Variants in GABBR1 observed in about 807,000 individuals in gnomAD.
GABBR1 encodes the protein gamma-aminobutyric acid type B receptor subunit 1, also known as GABA-B receptor, R1 subunit.
In GABBR1, 35 loss-of-function variants were observed where a neutral mutation model predicts 117.7. That is an observed-to-expected ratio of 0.30 (90% CI 0.23 to 0.39). The LOEUF is 0.39. Among genes scored for constraint, GABBR1 ranks in the 10% least tolerant of loss-of-function variants. The pLI is 1.00. For synonymous variants in GABBR1, 442 were observed against 486.6 expected, an observed-to-expected ratio of 0.91 and a Z score of 1.21; for missense variants, 709 against 1,241.8, an observed-to-expected ratio of 0.57 and a Z score of 6.45.
Position 29,611,319 on chromosome 6 carries a change from A to G in GABBR1, c.1631-318T>C, listed in dbSNP as rs1013753707. Among the ~76,000 whole-genome samples, 5 of 152,180 alleles carry G rather than the reference A, an allele frequency of 3.3e-5. No individual in the cohort carries two copies. Among genetic ancestry groups the G allele is most frequent in the Non-Finnish European group, 5.9e-5 (4 of 68,028 alleles). ...TCTCGGCGAGATGTCTCTCACTTTGATTTTGGCTTCTAAAGCTTTACACAT... is the reference window on the plus strand; with the variant it reads ...TCTCGGCGAGATGTCTCTCACTTTGGTTTTGGCTTCTAAAGCTTTACACAT... On this transcript the variant is annotated intron_variant, in intron 13 of 22. Transcript: ENST00000377034. This position sits in a 1 kb window ranked among gnomAD's most constrained non-coding sequence, Gnocchi z 4.6.
chr6:29,616,213 T>A (rs1386078773), intron 11 of GABBR1, among the ~76,000 whole-genome samples: 4 of 134,388 alleles, frequency 3.0e-5, no homozygotes, highest in African/African-American at 1.1e-4. Context: ...AAAAAAAAAA[T>A]ACAAAAATTA....
In GABBR1 at chr6:29,632,833, G is replaced by T; in HGVS notation, c.-1+17C>A. On this transcript the variant is annotated intron_variant, in intron 1 of 22. Coordinates refer to ENST00000377034, the MANE Select transcript of GABBR1 (RefSeq NM_001470.4). This position sits in a 1 kb window ranked among gnomAD's most constrained non-coding sequence, Gnocchi z 5.8. ...CCCCCTCTCCGAGCCCTGCTAACCC[G>T]GGGCCCTGGCTCTTACCTCGGCGCG... The T allele has an allele frequency of 2.0e-6, 1 of 495,522 alleles. No homozygotes were observed. Among genetic ancestry groups the T allele is most frequent in the South Asian group, 2.6e-5 (1 of 37,766 alleles). The allele number at this position is 495,522 out of a possible 1,614,324, so 30.7% of individuals were successfully genotyped here.
chr6:29,627,769 G>T lies in GABBR1; in HGVS notation c.497-123C>A. ...AAGCGGCAGTGGCCACCCCACCCGG[G>T]CAAAAGGGGCCCCGGGCCCCATGGC... On this transcript the variant is annotated intron_variant, in intron 5 of 22. Coordinates refer to ENST00000377034, the MANE Select transcript of GABBR1 (RefSeq NM_001470.4). This position sits in a 1 kb window ranked among gnomAD's most constrained non-coding sequence, Gnocchi z 4.4. 6.8e-7 allele frequency: 1 copy of T among 1,470,252 alleles called. No homozygotes were observed. Among genetic ancestry groups the T allele is most frequent in the Non-Finnish European group, 9.0e-7 (1 of 1,117,172 alleles). 91.1% of individuals were successfully genotyped at this position (1,470,252 alleles called of 1,614,324 possible).
Position 29,602,854 on chromosome 6 carries a change from G to A in GABBR1, c.*689C>T, listed in dbSNP as rs1192486125. The A allele has an allele frequency of 8.1e-6, 3 of 368,464 alleles. No individual in the cohort carries two copies. The highest frequency in any genetic ancestry group is 4.2e-5 in the African/African-American group (2 of 47,102). The allele number at this position is 368,464 out of a possible 1,614,324, so 22.8% of individuals were successfully genotyped here. On this transcript the variant is annotated 3_prime_UTR_variant, in exon 23 of 23. Coordinates refer to ENST00000377034, the MANE Select transcript of GABBR1 (RefSeq NM_001470.4). ...ACGTAGCTGTGAATGCAGGGCACCC[G>A]AGAGCACATGTGACTGAACATGAAG... is the stretch of plus-strand genomic sequence containing the variant.
Position 29,622,003 on chromosome 6 carries a change from A to G in GABBR1, c.1065+101T>C, listed in dbSNP as rs1763801162. Reference sequence around the variant, plus strand: ...TCCCCAGGAGATGCTATTGCCTCAGAGAATCAAAACCTGCCCCCGCCTGGC... The same window carrying G: ...TCCCCAGGAGATGCTATTGCCTCAGGGAATCAAAACCTGCCCCCGCCTGGC... On this transcript the variant is annotated intron_variant, in intron 9 of 22. Coordinates refer to ENST00000377034, the MANE Select transcript of GABBR1 (RefSeq NM_001470.4). This position sits in a 1 kb window ranked among gnomAD's most constrained non-coding sequence, Gnocchi z 4.6. 8.7e-7 allele frequency: 1 copy of G among 1,146,302 alleles called. No individual in the cohort carries two copies. The highest frequency in any genetic ancestry group is 1.3e-6 in the Non-Finnish European group (1 of 771,650). The allele number at this position is 1,146,302 out of a possible 1,614,324, so 71.0% of individuals were successfully genotyped here.
rs5875197 is a variant in GABBR1, at chr6:29,606,818, A to AC, written c.2217+78dup. 0.18 allele frequency: 209,462 copies of AC among 1,189,566 alleles called. 20,643 individuals carry two copies. Among genetic ancestry groups the AC allele is most frequent in the Middle Eastern group, 0.34 (1,773 of 5,224 alleles). The allele number at this position is 1,189,566 out of a possible 1,614,324, so 73.7% of individuals were successfully genotyped here. A position where few individuals can be genotyped will look rare whatever the true frequency, so the allele number is the denominator to read the frequency against. On this transcript the variant is annotated intron_variant, in intron 18 of 22. Coordinates refer to ENST00000377034, the MANE Select transcript of GABBR1 (RefSeq NM_001470.4). This position sits in a 1 kb window ranked among gnomAD's most constrained non-coding sequence, Gnocchi z 4.5. ...TCTCCAAGTAGCTTCATCCCTCAAG[A>AC]CACACACAGCCCCAGGGCCCTGATG...
At chr6:29,617,135 T>C (rs1020324486) in intron 11 of GABBR1, among the ~76,000 whole-genome samples, 3 of 151,888 alleles carry the variant, frequency 2.0e-5, no homozygotes, top group African/African-American at 7.3e-5. Context: ...CTATCTAAAA[T>C]AGTATGAAAT....
chr6:29,612,531 C>G lies in GABBR1; in HGVS notation c.1630+20G>C, dbSNP rs1762659018. On this transcript the variant is annotated intron_variant, in intron 13 of 22. Coordinates refer to ENST00000377034, the MANE Select transcript of GABBR1 (RefSeq NM_001470.4). Reference sequence around the variant, plus strand: ...CCAGCCTAGCCCCCATGTCCGGTCCCCTCCTGCCCCTGTACTAACCCTGAA... The same window carrying G: ...CCAGCCTAGCCCCCATGTCCGGTCCGCTCCTGCCCCTGTACTAACCCTGAA... 5 of 1,612,286 alleles carry G rather than the reference C, an allele frequency of 3.1e-6. No individual in the cohort carries two copies. Among genetic ancestry groups the G allele is most frequent in the Non-Finnish European group, 4.2e-6 (5 of 1,178,798 alleles).
Position 29,613,335 on chromosome 6 carries a change from C to T in GABBR1, c.1474G>A (p.Gly492Ser), listed in dbSNP as rs1168382275. ...TAGTTGAAGTCCTCCAGGCGCACAC[C>T]AGAACGGCCGCCTCCTCCAGATGTC... is the stretch of plus-strand genomic sequence containing the variant. ...NKTSGGGGRS[G>S]VRLEDFNYNN... The change falls in exon 12 of 23, where the codon GGT becomes AGT. Residue 492 changes from glycine to serine, a missense_variant. This residue lies in a region of GABBR1 where 38 missense variants were observed against 47.7 expected (regional missense o/e 0.80). Coordinates refer to ENST00000377034, the MANE Select transcript of GABBR1 (RefSeq NM_001470.4). The surrounding 1 kb of genome is among the most constrained non-coding windows in gnomAD (Gnocchi z 4.1). The T allele has an allele frequency of 2.5e-6, 4 of 1,613,066 alleles. No homozygotes were observed. Among genetic ancestry groups the T allele is most frequent in the Non-Finnish European group, 8.5e-7 (1 of 1,180,028 alleles).
In GABBR1 at chr6:29,603,643, G is replaced by T; in HGVS notation, c.2786C>A (p.Pro929Gln). The change falls in exon 23 of 23, where the codon CCG becomes CAG. Residue 929 changes from proline to glutamine, a missense_variant. Transcript: ENST00000377034. Reference sequence around the variant, plus strand: ...GCCCCCAGAGGGTTCTGGGGGTGTCGGTGGGTGGCGCCGGGAGCGGAGCTG... The same window carrying T: ...GCCCCCAGAGGGTTCTGGGGGTGTCTGTGGGTGGCGCCGGGAGCGGAGCTG... ...RQQLRSRRHP[P>Q]TPPEPSGGLP... The T allele has an allele frequency of 6.6e-7, 1 of 1,523,816 alleles. No individual in the cohort carries two copies. 94.4% of individuals were successfully genotyped at this position (1,523,816 alleles called of 1,614,324 possible). A position where few individuals can be genotyped will look rare whatever the true frequency, so the allele number is the denominator to read the frequency against.
At position 29,606,790 on chromosome 6, in the gene GABBR1, C is replaced by T; in HGVS notation, c.2217+107G>A. On this transcript the variant is annotated intron_variant, in intron 18 of 22. Transcript: ENST00000377034. The surrounding 1 kb of genome is among the most constrained non-coding windows in gnomAD (Gnocchi z 4.5). ...AAGAGCTTCCAATACGAGGAAGGCA[C>T]TCTCTCCAAGTAGCTTCATCCCTCA... 2.2e-6 allele frequency: 2 copies of T among 890,540 alleles called. No homozygotes were observed. The highest frequency in any genetic ancestry group is 1.6e-5 in the South Asian group (1 of 63,938). The allele number at this position is 890,540 out of a possible 1,614,324, so 55.2% of individuals were successfully genotyped here. A position where few individuals can be genotyped will look rare whatever the true frequency, so the allele number is the denominator to read the frequency against.
Position 29,607,637 on chromosome 6 carries a change from C to T in GABBR1, c.1993-419G>A, listed in dbSNP as rs1285893394. ...CGCTCCAGCCATGCTGAACTACTCA[C>T]TTTCTCTTCATCTACTCTCTTTCAT... On this transcript the variant is annotated intron_variant, in intron 16 of 22. Transcript: ENST00000377034. This position sits in a 1 kb window ranked among gnomAD's most constrained non-coding sequence, Gnocchi z 5.0. Among the ~76,000 whole-genome samples the T allele has an allele frequency of 6.6e-6, 1 of 152,208 alleles. No homozygotes were observed. The highest frequency in any genetic ancestry group is 2.4e-5 in the African/African-American group (1 of 41,442).
chr6:29,628,849 T>A (rs995271313), intron 5 of GABBR1, among the ~76,000 whole-genome samples: 7 of 148,514 alleles, frequency 4.7e-5, no homozygotes, highest in African/African-American at 1.5e-4. Context: ...TGGGAGGAGG[T>A]GGAGCCCAGG....
intron 11 of GABBR1, among the ~76,000 whole-genome samples, chr6:29,617,301 CTTTT>C (rs373993426): frequency 6.7e-5 from 8 of 119,872 alleles, no homozygotes; most frequent in Non-Finnish European, 1.2e-4. Flanking sequence ...TTCTTTCTTT[CTTTT>C]TTTTTTTTTT....
chr6:29,606,441 A>G lies in GABBR1; in HGVS notation c.2261T>C (p.Ile754Thr). 1 of 1,613,054 alleles carries G rather than the reference A, an allele frequency of 6.2e-7. No homozygotes were observed. The highest frequency in any genetic ancestry group is 8.5e-7 in the Non-Finnish European group (1 of 1,179,906). The change falls in exon 19 of 23, where the codon ATT becomes ACT. Residue 754 changes from isoleucine (I) to threonine (T), a missense_variant. Physicochemically the swap from Ile to Thr is moderately conservative, Grantham distance 89 (BLOSUM62 -1). This residue lies in a region of GABBR1 where 251 missense variants were observed against 445.3 expected (regional missense o/e 0.56). Transcript: ENST00000377034. The surrounding 1 kb of genome is among the most constrained non-coding windows in gnomAD (Gnocchi z 4.5). Reference protein sequence around the residue: ...EEPKEDIDVSILPQLEHCSSR... With the variant: ...EEPKEDIDVSTLPQLEHCSSR... ...GCTGCAATGCTCCAGCTGGGGCAGAATAGAGACGTCAATATCTTCCTTAGG... is the reference window on the plus strand; with the variant it reads ...GCTGCAATGCTCCAGCTGGGGCAGAGTAGAGACGTCAATATCTTCCTTAGG...
chr6:29,603,967 A>T (rs902480784), intron 22 of GABBR1, among the ~76,000 whole-genome samples: 4 of 152,150 alleles, frequency 2.6e-5, no homozygotes, highest in African/African-American at 9.7e-5. Context: ...AAACAAAAGG[A>T]AAAAGTGGGG....
chr6:29,605,516 T>A lies in GABBR1; in HGVS notation c.2439+53A>T. ...CATTGATTCTTCCTAGTCCTCTATA[T>A]CTGGGCTGCTGTGGTCAGCCTACAG... On this transcript the variant is annotated intron_variant, in intron 20 of 22. Transcript: ENST00000377034. This position sits in a 1 kb window ranked among gnomAD's most constrained non-coding sequence, Gnocchi z 4.2. 1 of 1,599,608 alleles carries A rather than the reference T, an allele frequency of 6.3e-7. No individual in the cohort carries two copies. Among genetic ancestry groups the A allele is most frequent in the Non-Finnish European group, 8.5e-7 (1 of 1,172,636 alleles).
chr6:29,605,389 G>C lies in GABBR1; in HGVS notation c.2439+180C>G. On this transcript the variant is annotated intron_variant, in intron 20 of 22. Coordinates refer to ENST00000377034, the MANE Select transcript of GABBR1 (RefSeq NM_001470.4). This position sits in a 1 kb window ranked among gnomAD's most constrained non-coding sequence, Gnocchi z 4.2. Reference sequence around the variant, plus strand: ...TTCACTGGGTAGTTGCAAGATTAATGATACAATGTCTGTAGTGAGCTTTGT... The same window carrying C: ...TTCACTGGGTAGTTGCAAGATTAATCATACAATGTCTGTAGTGAGCTTTGT... The C allele has an allele frequency of 1.4e-6, 1 of 705,102 alleles. No homozygotes were observed. The highest frequency in any genetic ancestry group is 2.4e-6 in the Non-Finnish European group (1 of 418,598). 43.7% of individuals were successfully genotyped at this position (705,102 alleles called of 1,614,324 possible).
chr6:29,612,245 A>G (rs1762622364), intron 13 of GABBR1, among the ~76,000 whole-genome samples: 2 of 150,318 alleles, frequency 1.3e-5, no homozygotes, highest in South Asian at 4.2e-4. Context: ...ACTCCTGACC[A>G]TGATCATGAT....
Sources: gnomAD v4.1 joint callset for allele counts (sites outside exome capture counted in the v4.1 genomes callset) on GRCh38, gnomAD v4.1.1 for gene constraint, gnomAD v4.1.1 regional missense constraint, Gnocchi (gnomAD v3.1) non-coding constraint, MANE v1.5 for transcripts, NCBI Gene and HGNC (gene_info 2026-07-23, HGNC 2026-07-21) for gene names.